The following PRKD1 variants were observed in gnomAD, a reference collection of about 807,000 sequenced individuals.
PRKD1 encodes the protein protein kinase D1.
A neutral mutation model predicts 95.9 loss-of-function variants in PRKD1; 63 were observed. That is an observed-to-expected ratio of 0.66 (90% confidence interval 0.54 to 0.81). The LOEUF (loss-of-function observed/expected upper bound fraction) is 0.81, where lower values mean the gene tolerates loss of function less well. Ranked by LOEUF, PRKD1 falls within the 30% of genes least tolerant of loss-of-function variation. The probability of loss-of-function intolerance (pLI) is 0.00; values close to 1 mark genes in which losing one functional copy is unlikely to be tolerated. For missense variants in PRKD1, 1,048 were observed against 1,165.3 expected (o/e 0.90, Z 1.47); for synonymous variants, 425 against 423.1 (o/e 1.00, Z -0.05).
chr14:29,630,874 A>G lies in PRKD1; in HGVS notation c.1540T>C (p.Ser514Pro), dbSNP rs1879957722. Residue 514 changes from serine (S) to proline (P), a missense_variant, in exon 10 of 18, where the codon TCA becomes CCA. Ser to Pro is a moderately conservative substitution (Grantham distance 74, BLOSUM62 -1). Around this residue, in one of 3 missense-constraint regions of PRKD1, gnomAD observed 739 missense variants for 861.9 expected, o/e 0.86. Coordinates refer to ENST00000331968, the MANE Select transcript of PRKD1 (RefSeq NM_002742.3). Reference sequence around the variant, plus strand: ...CTGGTGAGAACACTGTTATTTGGTGATGGGCTGGAAGGATTGACCACATTT... The same window carrying G: ...CTGGTGAGAACACTGTTATTTGGTGGTGGGCTGGAAGGATTGACCACATTT... The part of the protein sequence containing the change: ...GENVVNPSSP[S>P]PNNSVLTSGV... 2 of 1,614,118 alleles carry G rather than the reference A, an allele frequency of 1.2e-6. No homozygotes were observed.
chr14:29,814,746 C>T (rs563384178), intron 1 of PRKD1, among the ~76,000 whole-genome samples: 1 of 152,314 alleles, frequency 6.6e-6, no homozygotes, highest in South Asian at 2.1e-4. Flanking sequence ...TTTGTATCTA[C>T]TCACTACAAA....
chr14:29,579,139 A>C (rs954455114), intron 16 of PRKD1, among the ~76,000 whole-genome samples: 1 of 151,890 alleles, frequency 6.6e-6, no homozygotes, highest in Non-Finnish European at 1.5e-5. Flanking sequence ...ACTCATCGTT[A>C]TCTAGTCTGA....
chr14:29,588,313 G>A (rs1289935753), intron 16 of PRKD1, among the ~76,000 whole-genome samples: 3 of 152,124 alleles, frequency 2.0e-5, no homozygotes, highest in Admixed American at 2.0e-4. Flanking sequence ...AACACTGTTG[G>A]ATTTTGAAAA....
chr14:29,599,176 G>T, intron 14 of PRKD1, 51 bp from the exon 15 acceptor site: 2 of 1,499,980 alleles, frequency 1.3e-6, no homozygotes, highest in South Asian at 1.1e-5. Flanking sequence ...ATTTCAAAAT[G>T]TCTTCTACCA....
At chr14:29,694,178 TG>T (rs1174218308) in intron 2 of PRKD1, among the ~76,000 whole-genome samples, 2 of 152,180 alleles carry the variant, frequency 1.3e-5, no homozygotes, top group Admixed American at 6.5e-5. Flanking sequence ...GTTAAAAATA[TG>T]GTGCCCAGAA....
At chr14:29,721,700 A>C (rs997580950) in intron 2 of PRKD1, among the ~76,000 whole-genome samples, 5 of 152,116 alleles carry the variant, frequency 3.3e-5, no homozygotes, top group African/African-American at 1.2e-4. Flanking sequence ...TTCCATGTTC[A>C]GTGTTTTCCT....
chr14:29,624,099 T>G, intron 13 of PRKD1, 53 bp downstream of exon 13: 1 of 1,305,292 alleles, frequency 7.7e-7, no homozygotes, highest in Non-Finnish European at 1.1e-6. Context: ...TTTGCAGAAG[T>G]AAAGGATGAG....
chr14:29,830,849 C>T (rs983548597), intron 1 of PRKD1, among the ~76,000 whole-genome samples: 10 of 152,074 alleles, frequency 6.6e-5, no homozygotes, highest in South Asian at 2.1e-4. Flanking sequence ...AGTGCCACCA[C>T]GCCCAACTAA....
At chr14:29,876,716 C>CAAAAAAAAAA (rs201219057) in intron 1 of PRKD1, among the ~76,000 whole-genome samples, 2 of 140,608 alleles carry the variant, frequency 1.4e-5, no homozygotes, top group East Asian at 2.0e-4. Context: ...CAAAAACAAA[C>CAAAAAAAAAA]AAACAAAAAA....
intron 7 of PRKD1, among the ~76,000 whole-genome samples, chr14:29,635,329 C>T (rs1880295361): frequency 6.6e-6 from 1 of 152,034 alleles, no homozygotes; most frequent in Admixed American, 6.5e-5. Context: ...CCCTCCTTGT[C>T]CCCCTTCCCA....
At chr14:29,766,666 T>A (rs1362124409) in intron 1 of PRKD1, among the ~76,000 whole-genome samples, 2 of 152,178 alleles carry the variant, frequency 1.3e-5, no homozygotes, top group Admixed American at 6.6e-5. Flanking sequence ...TTAAAATGTA[T>A]TTGGAAAAAT....
intron 1 of PRKD1, among the ~76,000 whole-genome samples, chr14:29,806,506 A>G (rs1890241121): frequency 6.6e-6 from 1 of 152,222 alleles, no homozygotes; most frequent in Non-Finnish European, 1.5e-5. Flanking sequence ...TCTGAATCAG[A>G]AAACAGCCAG....
intron 1 of PRKD1, among the ~76,000 whole-genome samples, chr14:29,761,900 A>G (rs1054870685): frequency 2.7e-5 from 4 of 150,740 alleles, no homozygotes; most frequent in Non-Finnish European, 4.4e-5. Flanking sequence ...CTCACACCTC[A>G]GCTCCCAAGT....
At chr14:29,757,420 C>T (rs113136921) in intron 1 of PRKD1, among the ~76,000 whole-genome samples, 2 of 152,222 alleles carry the variant, frequency 1.3e-5, no homozygotes, top group South Asian at 4.1e-4. Flanking sequence ...ATCATCTCAC[C>T]TGAGGTTTGA....
intron 1 of PRKD1, among the ~76,000 whole-genome samples, chr14:29,907,817 T>C (rs1894545197): frequency 6.6e-6 from 1 of 152,030 alleles, no homozygotes; most frequent in South Asian, 2.1e-4. Context: ...AAGAATAAAA[T>C]GGAGTTTTTT....
chr14:29,664,802 C>A (rs1882391301), intron 3 of PRKD1, among the ~76,000 whole-genome samples: 1 of 152,154 alleles, frequency 6.6e-6, no homozygotes, highest in African/African-American at 2.4e-5. Flanking sequence ...AGTGTTCTTT[C>A]CACATTATGA....
chr14:29,905,826 T>G (rs942216501), intron 1 of PRKD1, among the ~76,000 whole-genome samples: 1 of 152,190 alleles, frequency 6.6e-6, no homozygotes, highest in Admixed American at 6.5e-5. Flanking sequence ...AAGAACTGAA[T>G]GTTATGTTAA....
At chr14:29,693,629 A>G in intron 2 of PRKD1, among the ~76,000 whole-genome samples, 1 of 117,720 alleles carries the variant, frequency 8.5e-6, no homozygotes, top group Admixed American at 8.1e-5. Context: ...ACCTCAGTCA[A>G]AAAAAAAAAA....
At chr14:29,712,238 CTTT>C (rs903667214) in intron 2 of PRKD1, among the ~76,000 whole-genome samples, 1 of 151,914 alleles carries the variant, frequency 6.6e-6, no homozygotes, top group Admixed American at 6.6e-5. Flanking sequence ...GGAGAAAATT[CTTT>C]TTTTTCTCTC....
Sources: allele counts gnomAD v4.1 joint callset (sites outside exome capture counted in the v4.1 genomes callset), GRCh38; gene constraint gnomAD v4.1.1; regional missense constraint gnomAD v4.1.1; transcripts MANE v1.5; gene names NCBI Gene and HGNC (gene_info 2026-07-23, HGNC 2026-07-21).